EPM2A: variants seen among roughly 807,000 people sequenced by gnomAD.
The protein encoded by EPM2A is EPM2A glucan phosphatase, laforin.
EPM2A carries 21 observed loss-of-function variants against 26.5 expected under a neutral mutation model. The observed-to-expected ratio is 0.79, with a 90% CI of 0.56 to 1.14. The LOEUF (loss-of-function observed/expected upper bound fraction) is 1.14. EPM2A is among the 50% of genes most tolerant of loss of function. EPM2A has a pLI of 0.00. For synonymous variants in EPM2A, 217 were observed against 177.6 expected (o/e 1.22, Z -1.76); for missense variants, 458 against 440.8 (o/e 1.04, Z -0.35).
intron 2 of EPM2A, among the ~76,000 whole-genome samples, chr6:145,507,482 C>T (rs1779993156): frequency 1.3e-5 from 2 of 152,070 alleles, no homozygotes; most frequent in African/African-American, 4.8e-5. Flanking sequence ...GGGAGGGCAC[C>T]CTGTTTCTCT....
exon 4 of EPM2A, chr6:145,501,819 T>C: frequency 4.2e-6 from 2 of 471,196 alleles, no homozygotes; most frequent in South Asian, 3.1e-5. Context: ...ACTTTTGTTT[T>C]AAGTAATCCA....
chr6:145,475,725 GT>G (rs1241676091), intron 4 of EPM2A, among the ~76,000 whole-genome samples: 1 of 151,804 alleles, frequency 6.6e-6, no homozygotes, highest in African/African-American at 2.4e-5. Context: ...TAGTTATCAG[GT>G]TAAAATAATA....
intron 4 of EPM2A, among the ~76,000 whole-genome samples, chr6:145,465,271 A>C (rs2114720023): frequency 6.6e-6 from 1 of 151,434 alleles, no homozygotes; most frequent in South Asian, 2.1e-4. Context: ...TCGGCTCCTG[A>C]GGCTTCTGCA....
chr6:145,640,062 T>TTCACAAATG, intron 2 of EPM2A: 1 of 152,204 alleles, frequency 6.6e-6, no homozygotes, highest in Non-Finnish European at 1.5e-5. Flanking sequence ...TGGTTCCAGG[T>TTCACAAATG]AACCATATCA....
intron 2 of EPM2A, among the ~76,000 whole-genome samples, chr6:145,681,492 C>G (rs1428669966): frequency 2.0e-5 from 3 of 149,018 alleles, no homozygotes; most frequent in South Asian, 2.2e-4. Context: ...AATGGTAATG[C>G]CTAGGTTTTC....
chr6:145,616,355 C>G (rs1271466919), intron 2 of EPM2A, among the ~76,000 whole-genome samples: 2 of 152,254 alleles, frequency 1.3e-5, no homozygotes, highest in Non-Finnish European at 2.9e-5. Context: ...TTGGGAACCT[C>G]TGCCTAGATT....
At chr6:145,494,804 C>T (rs528999901) in intron 4 of EPM2A, among the ~76,000 whole-genome samples, 1 of 152,238 alleles carries the variant, frequency 6.6e-6, no homozygotes, top group South Asian at 2.1e-4. Context: ...TAGTGAATTG[C>T]TTAATCATGG....
intron 4 of EPM2A, among the ~76,000 whole-genome samples, chr6:145,428,401 C>T (rs1458796234): frequency 6.6e-6 from 1 of 152,100 alleles, no homozygotes; most frequent in East Asian, 1.9e-4. Context: ...TTATCTACAC[C>T]CACCTTCTTT....
intron 2 of EPM2A, among the ~76,000 whole-genome samples, chr6:145,616,659 C>A (rs907235665): frequency 6.6e-6 from 1 of 152,238 alleles, no homozygotes; most frequent in African/African-American, 2.4e-5. Context: ...TGCAAAGCCA[C>A]AGGGGTGGAG....
At chr6:145,587,196 A>AT (rs1781206512) in intron 2 of EPM2A, among the ~76,000 whole-genome samples, 1 of 152,254 alleles carries the variant, frequency 6.6e-6, no homozygotes, top group Admixed American at 6.5e-5. Flanking sequence ...ATAACAGAAC[A>AT]TAAAAACAGG....
chr6:145,582,599 A>G (rs941721418), intron 2 of EPM2A, among the ~76,000 whole-genome samples: 1 of 152,122 alleles, frequency 6.6e-6, no homozygotes, highest in Non-Finnish European at 1.5e-5. Flanking sequence ...TTTCTTTCAT[A>G]TTGACCTTAG....
chr6:145,635,612 T>C, intron 2 of EPM2A, 126 bp from the exon 3 acceptor site: 1 of 899,968 alleles, frequency 1.1e-6, no homozygotes, highest in East Asian at 2.5e-5. Context: ...AAGCTAGATA[T>C]TTTAGAATAT....
chr6:145,523,614 C>T (rs914772391), intron 2 of EPM2A, among the ~76,000 whole-genome samples: 5 of 152,152 alleles, frequency 3.3e-5, no homozygotes, highest in African/African-American at 1.2e-4. Context: ...TGTGTTCTGA[C>T]TACTTCACAG....
At chr6:145,407,601 T>A (rs1465309353) in intron 4 of EPM2A, among the ~76,000 whole-genome samples, 1 of 152,214 alleles carries the variant, frequency 6.6e-6, no homozygotes, top group Non-Finnish European at 1.5e-5. Context: ...ATGTACTTCA[T>A]GAACTAAACT....
At chr6:145,580,020 T>C (rs965489050) in intron 2 of EPM2A, among the ~76,000 whole-genome samples, 9 of 152,176 alleles carry the variant, frequency 5.9e-5, no homozygotes, top group African/African-American at 2.2e-4. Context: ...ACATAGATTA[T>C]AAGCTGCAGA....
chr6:145,593,964 A>C (rs7765687), intron 2 of EPM2A, among the ~76,000 whole-genome samples: 67,891 of 151,286 alleles, frequency 0.45, 15,927 homozygotes, highest in African/African-American at 0.57. Flanking sequence ...AGAAAAAAAC[A>C]ACAAAAGCTG....
intron 4 of EPM2A, among the ~76,000 whole-genome samples, chr6:145,434,261 TC>T (rs1582751904): frequency 3.3e-5 from 5 of 150,796 alleles, no homozygotes; most frequent in Non-Finnish European, 7.4e-5. Flanking sequence ...TTTATCTCTC[TC>T]TCTCTTTTTT....
intron 2 of EPM2A, among the ~76,000 whole-genome samples, chr6:145,599,547 A>C (rs891504217): frequency 1.3e-5 from 2 of 151,864 alleles, no homozygotes; most frequent in African/African-American, 2.4e-5. Flanking sequence ...TCTTTATAGC[A>C]TTCTCTTCTT....
intron 3 of EPM2A, chr6:145,634,760 C>T (rs1394298431): frequency 4.3e-5 from 7 of 160,968 alleles, no homozygotes; most frequent in Admixed American, 4.2e-4. Flanking sequence ...TCCAGCCCAC[C>T]CTCAGATCTT....
Sources: gnomAD v4.1 joint callset for allele counts (sites outside exome capture counted in the v4.1 genomes callset) on GRCh38, gnomAD v4.1.1 for gene constraint, MANE v1.5 for transcripts, NCBI Gene and HGNC (gene_info 2026-07-23, HGNC 2026-07-21) for gene names.